REDIC1: variants seen among roughly 807,000 people sequenced by gnomAD.
The protein encoded by REDIC1 is HEI10 Interacting Protein 1.
chr12:39,736,904 G>C, the REDIC1 span: 1 of 152,184 alleles, frequency 6.6e-6, no homozygotes, highest in Non-Finnish European at 1.5e-5. Context: ...CCCATGGTGA[G>C]TAGAAACAAG....
the REDIC1 span, among the ~76,000 whole-genome samples, chr12:39,673,064 CATT>C: frequency 6.6e-6 from 1 of 152,048 alleles, no homozygotes; most frequent in African/African-American, 2.4e-5. Context: ...GGGGATCTCT[CATT>C]TAACCTTTTC....
chr12:39,871,501 A>T, the REDIC1 span, among the ~76,000 whole-genome samples: 1 of 120,488 alleles, frequency 8.3e-6, no homozygotes. Flanking sequence ...AAAAACAATT[A>T]TTTTTTTTCA....
the REDIC1 span, among the ~76,000 whole-genome samples, chr12:39,668,193 A>T: frequency 2.0e-5 from 3 of 151,984 alleles, no homozygotes; most frequent in Non-Finnish European, 2.9e-5. Context: ...ATGTTTTTGC[A>T]GTGGCTGGTA....
the REDIC1 span, chr12:39,626,454 G>A: frequency 6.6e-7 from 1 of 1,504,096 alleles, no homozygotes; most frequent in South Asian, 1.2e-5. Context: ...TAGCTGGAAA[G>A]AACTTGGTAG....
At chr12:39,706,606 A>G in the REDIC1 span, among the ~76,000 whole-genome samples, 2 of 151,854 alleles carry the variant, frequency 1.3e-5, no homozygotes, top group African/African-American at 4.8e-5. Flanking sequence ...AGTAACCAAA[A>G]CAGCATGAGA....
chr12:39,902,038 T>A, the REDIC1 span, among the ~76,000 whole-genome samples: 1 of 152,030 alleles, frequency 6.6e-6, no homozygotes, highest in African/African-American at 2.4e-5. Context: ...TCATGTCCTT[T>A]GTAGGGACAT....
chr12:39,689,237 G>A, the REDIC1 span, among the ~76,000 whole-genome samples: 1 of 152,296 alleles, frequency 6.6e-6, no homozygotes, highest in South Asian at 2.1e-4. Context: ...GGAAAGGACT[G>A]GGTCTCTGAA....
chr12:39,752,864 G>A, the REDIC1 span, among the ~76,000 whole-genome samples: 2 of 152,062 alleles, frequency 1.3e-5, no homozygotes, highest in Non-Finnish European at 2.9e-5. Context: ...CCTTTTTAAA[G>A]TCATGACTCC....
At chr12:39,807,255 C>T in the REDIC1 span, among the ~76,000 whole-genome samples, 1 of 152,048 alleles carries the variant, frequency 6.6e-6, no homozygotes, top group East Asian at 1.9e-4. Context: ...ACTAGGGATC[C>T]CTGTGGTAAC....
chr12:39,901,841 G>A, the REDIC1 span, among the ~76,000 whole-genome samples: 1 of 147,510 alleles, frequency 6.8e-6, no homozygotes, highest in Non-Finnish European at 1.5e-5. Context: ...CCCATTACTG[G>A]GTATATACCC....
At chr12:39,776,963 C>T in the REDIC1 span, among the ~76,000 whole-genome samples, 2 of 152,200 alleles carry the variant, frequency 1.3e-5, no homozygotes, top group East Asian at 3.9e-4. Context: ...TTTTTATAGA[C>T]ATGGCATAAA....
the REDIC1 span, among the ~76,000 whole-genome samples, chr12:39,713,331 T>G: frequency 1.5e-5 from 2 of 131,730 alleles, no homozygotes; most frequent in African/African-American, 6.0e-5. Flanking sequence ...TGTATACACA[T>G]ATACGTGTAT....
chr12:39,731,101 G>A, the REDIC1 span, among the ~76,000 whole-genome samples: 12 of 152,148 alleles, frequency 7.9e-5, no homozygotes, highest in Admixed American at 2.0e-4. Flanking sequence ...GTTAGAACAC[G>A]CGTCTTTAGC....
At chr12:39,891,342 C>T in the REDIC1 span, among the ~76,000 whole-genome samples, 41 of 151,794 alleles carry the variant, frequency 2.7e-4, no homozygotes, top group East Asian at 6.4e-3. Context: ...GGAGGAGGGA[C>T]CCGCACTGTT....
At chr12:39,743,337 T>C in the REDIC1 span, among the ~76,000 whole-genome samples, 1 of 152,172 alleles carries the variant, frequency 6.6e-6, no homozygotes, top group African/African-American at 2.4e-5. Context: ...ACTAAAAGAC[T>C]GAAACCTAAT....
At chr12:39,860,930 C>T in the REDIC1 span, among the ~76,000 whole-genome samples, 1 of 152,164 alleles carries the variant, frequency 6.6e-6, no homozygotes, top group African/African-American at 2.4e-5. Context: ...CACACCCCTG[C>T]TTAAAATTCT....
chr12:39,747,143 G>C, the REDIC1 span, among the ~76,000 whole-genome samples: 5 of 152,290 alleles, frequency 3.3e-5, no homozygotes, highest in Non-Finnish European at 7.4e-5. Flanking sequence ...AAAGGAGGAA[G>C]TTCAAACCCA....
chr12:39,706,325 A>G, the REDIC1 span, among the ~76,000 whole-genome samples: 8 of 152,184 alleles, frequency 5.3e-5, no homozygotes, highest in African/African-American at 1.9e-4. Flanking sequence ...CAAAACATGG[A>G]AAGATATTCC....
At chr12:39,780,650 A>G in the REDIC1 span, among the ~76,000 whole-genome samples, 2 of 152,220 alleles carry the variant, frequency 1.3e-5, no homozygotes, top group South Asian at 2.1e-4. Context: ...AATATCACAT[A>G]TCAATCTCAA....
Sources: allele counts gnomAD v4.1 joint callset (sites outside exome capture counted in the v4.1 genomes callset), GRCh38; gene constraint gnomAD v4.1.1; transcripts MANE v1.5; gene names NCBI Gene and HGNC (gene_info 2026-07-23, HGNC 2026-07-21).